RBM20: variants seen among roughly 807,000 people sequenced by gnomAD.
The protein encoded by RBM20 is RNA binding motif protein 20, also known as RNA-binding protein 20.
RBM20 carries 51 observed loss-of-function variants against 110.1 expected under a neutral mutation model. The observed-to-expected ratio is 0.46, with a 90% CI of 0.37 to 0.59. The LOEUF (loss-of-function observed/expected upper bound fraction) is 0.59. RBM20 is among the 20% of genes least tolerant of loss of function. The pLI, the probability that RBM20 is intolerant of heterozygous loss-of-function variation, is 0.00. For missense variants in RBM20, 1,512 were observed against 1,574.9 expected, an observed-to-expected ratio of 0.96 and a Z score of 0.68; for synonymous variants, 589 against 618.2, an observed-to-expected ratio of 0.95 and a Z score of 0.70.
At position 110,697,967 on chromosome 10, in the gene RBM20, G is replaced by A. The variant is rs558257437; in HGVS notation, c.191+53322G>A. ...CTGTCGCCCGGGCTGGAGTGCAGTG[G>A]TGCGATGTCGGCTCACTGCAAGCTC... On this transcript the variant is annotated intron_variant, in intron 1 of 13. Transcript: ENST00000369519. Among the ~76,000 whole-genome samples the A allele has an allele frequency of 2.2e-3, 329 of 151,110 alleles. 1 individual carries two copies. Among genetic ancestry groups the A allele is most frequent in the Non-Finnish European group, 2.2e-3 (148 of 67,842 alleles).
intron 7 of RBM20, among the ~76,000 whole-genome samples, chr10:110,809,281 C>T (rs190918509): frequency 1.5e-5 from 2 of 136,664 alleles, no homozygotes; most frequent in African/African-American, 5.3e-5. Flanking sequence ...GAAAAAAAGT[C>T]GATTAAATTT....
At chr10:110,672,531 G>A (rs116866679) in intron 1 of RBM20, among the ~76,000 whole-genome samples, 3,412 of 152,328 alleles carry the variant, frequency 0.022, 48 homozygotes, top group Non-Finnish European at 0.034. Flanking sequence ...CCCCCGGGGC[G>A]GTGCGCCGCA....
intron 1 of RBM20, among the ~76,000 whole-genome samples, chr10:110,723,705 T>C (rs1843532974): frequency 6.6e-6 from 1 of 152,266 alleles, no homozygotes; most frequent in Admixed American, 6.5e-5. Flanking sequence ...ATGTGCTTAA[T>C]GGCCATTTGC....
At chr10:110,741,018 AC>A (rs1368522883) in intron 1 of RBM20, among the ~76,000 whole-genome samples, 1 of 152,032 alleles carries the variant, frequency 6.6e-6, no homozygotes, top group Non-Finnish European at 1.5e-5. Flanking sequence ...GGTGGCATTC[AC>A]CTGGGCTTTC....
intron 1 of RBM20, among the ~76,000 whole-genome samples, chr10:110,749,100 G>A (rs1843821274): frequency 6.6e-6 from 1 of 152,226 alleles, no homozygotes; most frequent in African/African-American, 2.4e-5. Flanking sequence ...ATTACAGTCA[G>A]AAATAAGATA....
intron 1 of RBM20, among the ~76,000 whole-genome samples, chr10:110,707,487 G>T (rs1862858716): frequency 6.6e-6 from 1 of 152,140 alleles, no homozygotes; most frequent in African/African-American, 2.4e-5. Context: ...ATTTCCTAGA[G>T]AAAGTTAAAC....
rs184344922 is a variant in RBM20, at chr10:110,796,605, C to T, written c.1528-903C>T. 7.2e-5 allele frequency among the ~76,000 whole-genome samples: 11 copies of T among 152,254 alleles called. No individual in the cohort carries two copies. In the East Asian group the frequency reaches 2.1e-3, roughly 29 times the overall value. On this transcript the variant is annotated intron_variant, in intron 5 of 13. Coordinates refer to ENST00000369519, the MANE Select transcript of RBM20 (RefSeq NM_001134363.3). ...CAAAAAATAAAAATTAAAAAATCAG[C>T]TGGGTGTGATGGCTCAAGCCATCAA...
rs144935945 is a variant in RBM20 at position 110,679,576 on chromosome 10, A to T, written c.191+34931A>T. ...TTATTGCAGTTCTTAAGCTGGGCAC[A>T]TCATGTAAGCCCCTATGTTTTGGTT... On this transcript the variant is annotated intron_variant, in intron 1 of 13. Coordinates refer to ENST00000369519, the MANE Select transcript of RBM20 (RefSeq NM_001134363.3). Among the ~76,000 whole-genome samples, 624 of 152,318 alleles carry T rather than the reference A, an allele frequency of 4.1e-3. 5 individuals carry two copies. The highest frequency in any genetic ancestry group is 0.014 in the African/African-American group (585 of 41,570).
chr10:110,705,886 T>G (rs199936118), intron 1 of RBM20, among the ~76,000 whole-genome samples: 1 of 151,934 alleles, frequency 6.6e-6, no homozygotes, highest in Non-Finnish European at 1.5e-5. Context: ...TTTGAGACCA[T>G]CCTGGCCAAC....
intron 1 of RBM20, among the ~76,000 whole-genome samples, chr10:110,747,289 C>A (rs7922377): frequency 0.022 from 2,965 of 136,766 alleles, 108 homozygotes; most frequent in African/African-American, 0.081. Flanking sequence ...TTTAAAAACT[C>A]TTTTTTTGGG....
chr10:110,789,169 C>T (rs1300417841), intron 5 of RBM20, among the ~76,000 whole-genome samples: 6 of 152,184 alleles, frequency 3.9e-5, no homozygotes, highest in Admixed American at 3.9e-4. Flanking sequence ...GTCTGTGGAG[C>T]GAAGAGCAGT....
At chr10:110,694,478 A>T (rs1862632527) in intron 1 of RBM20, among the ~76,000 whole-genome samples, 1 of 152,238 alleles carries the variant, frequency 6.6e-6, no homozygotes, top group South Asian at 2.1e-4. Context: ...AAATTTGTGC[A>T]TGGCCTTGGA....
intron 1 of RBM20, among the ~76,000 whole-genome samples, chr10:110,724,335 C>T (rs1843539607): frequency 6.6e-6 from 1 of 152,214 alleles, no homozygotes; most frequent in African/African-American, 2.4e-5. Context: ...GCAGGCTGCT[C>T]AGGTTGAAAT....
At chr10:110,697,950 C>T (rs568859387) in intron 1 of RBM20, among the ~76,000 whole-genome samples, 4 of 151,256 alleles carry the variant, frequency 2.6e-5, no homozygotes, top group East Asian at 3.9e-4. Flanking sequence ...CTCTGTCGCC[C>T]GGGCTGGAGT....
intron 1 of RBM20, among the ~76,000 whole-genome samples, chr10:110,713,055 T>C (rs896523050): frequency 2.6e-5 from 4 of 152,220 alleles, no homozygotes; most frequent in African/African-American, 9.6e-5. Flanking sequence ...GCTTCTTTTG[T>C]TCTGTCCACT....
chr10:110,673,022 C>T (rs1306027136), intron 1 of RBM20, among the ~76,000 whole-genome samples: 1 of 152,104 alleles, frequency 6.6e-6, no homozygotes, highest in African/African-American at 2.4e-5. Context: ...ATGCCATATA[C>T]AGCCACTCTA....
At chr10:110,833,486 A>C (rs1383064145) in intron 13 of RBM20, among the ~76,000 whole-genome samples, 1 of 151,714 alleles carries the variant, frequency 6.6e-6, no homozygotes, top group East Asian at 1.9e-4. Context: ...TGTATTGTAA[A>C]CCATCCTTAT....
chr10:110,742,991 C>T (rs1843739074), intron 1 of RBM20, among the ~76,000 whole-genome samples: 1 of 152,216 alleles, frequency 6.6e-6, no homozygotes, highest in Non-Finnish European at 1.5e-5. Flanking sequence ...GTCATCAAGT[C>T]AGTTGCACAG....
At chr10:110,683,525 T>G (rs566958497) in intron 1 of RBM20, among the ~76,000 whole-genome samples, 10 of 152,344 alleles carry the variant, frequency 6.6e-5, no homozygotes, top group Admixed American at 3.9e-4. Context: ...CCTTAAGAGC[T>G]TCCTTTTTGT....
Sources: allele counts gnomAD v4.1 joint callset (sites outside exome capture counted in the v4.1 genomes callset), GRCh38; gene constraint gnomAD v4.1.1; transcripts MANE v1.5; gene names NCBI Gene and HGNC (gene_info 2026-07-23, HGNC 2026-07-21).